The following DENND4A variants were observed in gnomAD, a reference collection of about 807,000 sequenced individuals.
DENND4A encodes the protein C-myc promoter-binding protein.
DENND4A carries 70 observed loss-of-function variants against 199.3 expected under a neutral mutation model. The ratio of observed to expected loss-of-function variants is 0.35; its 90% confidence interval spans 0.29 to 0.43. DENND4A has a LOEUF of 0.43. Among genes scored for constraint, DENND4A ranks in the 20% least tolerant of loss-of-function variants. The probability of loss-of-function intolerance (pLI) is 1.00; values close to 1 mark genes in which losing one functional copy is unlikely to be tolerated. For synonymous variants in DENND4A, 686 were observed against 766.9 expected (o/e 0.89, Z 1.74); for missense variants, 1,723 against 2,255.8 (o/e 0.76, Z 4.78).
At chr15:65,735,341 A>G (rs553892322) in intron 7 of DENND4A, among the ~76,000 whole-genome samples, 65 of 151,876 alleles carry the variant, frequency 4.3e-4, no homozygotes, top group African/African-American at 1.5e-3. Context: ...TCACGCCACT[A>G]TACTCCAGCC....
At chr15:65,716,541 C>T (rs1262980327) in intron 13 of DENND4A, among the ~76,000 whole-genome samples, 3 of 151,910 alleles carry the variant, frequency 2.0e-5, no homozygotes, top group African/African-American at 7.3e-5. Context: ...TGATGATTTG[C>T]AATTTCATCC....
chr15:65,701,044 C>T lies in DENND4A; in HGVS notation c.2701+7G>A, dbSNP rs1369438587. The stretch of plus-strand genomic sequence containing the variant: ...TGAAGAACAAGTAAAACACATACAT[C>T]CCTTACCTGAGAGAGTTGTTTGTGA... On this transcript the variant is annotated splice_region_variant and intron_variant, in intron 19 of 32. Transcript: ENST00000443035. 6.2e-7 allele frequency: 1 copy of T among 1,602,578 alleles called. No homozygotes were observed. The highest frequency in any genetic ancestry group is 2.3e-5 in the East Asian group (1 of 44,236).
intron 15 of DENND4A, 26 bp from the exon 16 acceptor site, chr15:65,703,034 C>CA (rs754006428): frequency 1.3e-6 from 2 of 1,599,282 alleles, no homozygotes; most frequent in East Asian, 2.2e-5. Context: ...CAAAACAAAA[C>CA]AAAAAAGAGT....
chr15:65,729,688 C>G lies in DENND4A; in HGVS notation c.1167-10G>C, dbSNP rs186009318. The G allele has an allele frequency of 1.0e-4, 157 of 1,540,964 alleles. 1 individual carries two copies. In the African/African-American group the frequency reaches 2.0e-3, roughly 20 times the overall value. On this transcript the variant is annotated splice_polypyrimidine_tract_variant and intron_variant, in intron 9 of 32. Coordinates refer to ENST00000443035, the MANE Select transcript of DENND4A (RefSeq NM_001320835.1). Reference sequence around the variant, plus strand: ...TGAAAACTTGCCACCACTGTCAATCCAAACAAAAATATATAATTAAAAAAT... The same window carrying G: ...TGAAAACTTGCCACCACTGTCAATCGAAACAAAAATATATAATTAAAAAAT...
rs2076689116 is a variant in DENND4A, at chr15:65,684,546, T to A, written c.4179+5869A>T. ...TGAAATATCTATTTAGATCTATTTT[T>A]AACTTGGGTTGTTTATCTTATCATT... On this transcript the variant is annotated intron_variant, in intron 23 of 32. Transcript: ENST00000443035. Among the ~76,000 whole-genome samples the A allele has an allele frequency of 2.0e-5, 3 of 152,364 alleles. No individual in the cohort carries two copies. In the South Asian group the frequency reaches 6.2e-4, roughly 32 times the overall value.
In DENND4A at chr15:65,665,381, G is replaced by A. The variant is rs764864062; in HGVS notation, c.5323C>T (p.Pro1775Ser). The A allele has an allele frequency of 7.4e-6, 12 of 1,613,610 alleles. No individual in the cohort carries two copies. The highest frequency in any genetic ancestry group is 1.0e-5 in the Non-Finnish European group (12 of 1,179,714). The change falls in exon 30 of 33, where the codon CCG becomes TCG. Residue 1775 changes from proline (P) to serine (S), a missense_variant. Transcript: ENST00000443035. ...CAGAGAATGTACAAGGGCTGTCCCGGATCCTGATGTAACTTCATATTGTCC... is the reference window on the plus strand; with the variant it reads ...CAGAGAATGTACAAGGGCTGTCCCGAATCCTGATGTAACTTCATATTGTCC... ...LWDNMKLHQD[P>S]GQPLYILWNA...
chr15:65,698,857 C>T (rs540774313), intron 20 of DENND4A, among the ~76,000 whole-genome samples: 1 of 150,974 alleles, frequency 6.6e-6, no homozygotes, highest in African/African-American at 2.4e-5. Flanking sequence ...CGTGCCTACG[C>T]CTCCCAAGTA....
At chr15:65,759,625 T>G (rs2076801862) in intron 2 of DENND4A, among the ~76,000 whole-genome samples, 1 of 152,256 alleles carries the variant, frequency 6.6e-6, no homozygotes, top group African/African-American at 2.4e-5. Flanking sequence ...AAATGCCTCC[T>G]AGATGGACAC....
At chr15:65,740,493 C>G (rs2076230618) in intron 5 of DENND4A, among the ~76,000 whole-genome samples, 1 of 150,128 alleles carries the variant, frequency 6.7e-6, no homozygotes, top group South Asian at 2.1e-4. Context: ...GCACATGCCA[C>G]CATGTACTCT....
intron 9 of DENND4A, chr15:65,731,423 T>C (rs2075954720): frequency 1.8e-6 from 1 of 563,680 alleles, no homozygotes; most frequent in South Asian, 1.5e-5. Flanking sequence ...TAGTAGGTAT[T>C]TGATGATAAT....
chr15:65,744,397 C>A (rs2076333911), intron 4 of DENND4A, among the ~76,000 whole-genome samples: 1 of 152,154 alleles, frequency 6.6e-6, no homozygotes, highest in Non-Finnish European at 1.5e-5. Flanking sequence ...GAAATGGACA[C>A]ACAAACTTGA....
intron 1 of DENND4A, among the ~76,000 whole-genome samples, chr15:65,762,133 G>A (rs978983437): frequency 3.3e-5 from 5 of 151,938 alleles, no homozygotes; most frequent in Non-Finnish European, 5.9e-5. Context: ...TCAGCCTCCC[G>A]AGTAGCCGGG....
intron 1 of DENND4A, among the ~76,000 whole-genome samples, chr15:65,784,099 C>T (rs1359204708): frequency 6.6e-6 from 1 of 152,090 alleles, no homozygotes; most frequent in Admixed American, 6.5e-5. Flanking sequence ...TGTGACTCTC[C>T]TCCCCCAAAC....
In DENND4A at chr15:65,691,505, G is replaced by A; in HGVS notation, c.3089C>T (p.Thr1030Ile). The stretch of plus-strand genomic sequence containing the variant: ...AGATGATATTAAGAGCAGCTCAGGT[G>A]TGCTTTCTGAAAAACAAGTAAAGTG... ...GKISGESMES[T>I]PELLLISSLE... is the part of the protein sequence containing the mutation. Residue 1030 changes from threonine (T) to isoleucine (I), a missense_variant, in exon 23 of 33, where the codon ACA (threonine) becomes ATA (isoleucine). Physicochemically the swap from Thr to Ile is moderately conservative, Grantham distance 89. Around this residue, in one of 6 missense-constraint regions of DENND4A, gnomAD observed 650 missense variants for 738.1 expected, o/e 0.88. Coordinates refer to ENST00000443035, the MANE Select transcript of DENND4A (RefSeq NM_001320835.1). The A allele has an allele frequency of 6.3e-7, 1 of 1,580,398 alleles. No individual in the cohort carries two copies. Among genetic ancestry groups the A allele is most frequent in the Non-Finnish European group, 8.6e-7 (1 of 1,165,292 alleles).
intron 2 of DENND4A, among the ~76,000 whole-genome samples, chr15:65,756,814 T>A (rs941142998): frequency 1.8e-4 from 28 of 152,162 alleles, no homozygotes; most frequent in Non-Finnish European, 3.7e-4. Flanking sequence ...GGCAGGTGGA[T>A]CACCTGAGGT....
chr15:65,763,559 T>C (rs922877052), intron 1 of DENND4A, among the ~76,000 whole-genome samples: 2 of 151,524 alleles, frequency 1.3e-5, no homozygotes, highest in African/African-American at 4.9e-5. Context: ...CCTGTAGTCC[T>C]AGCTCCTTGG....
rs1371878737 is a variant in DENND4A, at chr15:65,706,232, A to G, written c.1954-8T>C. The G allele has an allele frequency of 3.3e-6, 5 of 1,508,018 alleles. No individual in the cohort carries two copies. The highest frequency in any genetic ancestry group is 3.5e-6 in the Non-Finnish European group (4 of 1,129,478). 93.4% of individuals were successfully genotyped at this position (1,508,018 alleles called of 1,614,324 possible). ...GCTCTTGTCCATATCCACCTAAAGGAGTTTTAAAAACATATATTAAAAAAG... is the reference window on the plus strand; with the variant it reads ...GCTCTTGTCCATATCCACCTAAAGGGGTTTTAAAAACATATATTAAAAAAG... On this transcript the variant is annotated splice_polypyrimidine_tract_variant and splice_region_variant and intron_variant, in intron 14 of 32. Transcript: ENST00000443035.
intron 20 of DENND4A, 94 bp downstream of exon 20, chr15:65,700,450 A>G: frequency 1.5e-6 from 1 of 676,364 alleles, no homozygotes; most frequent in Non-Finnish European, 2.1e-6. Context: ...TGACAGTTAA[A>G]CATCACTGAA....
At chr15:65,703,737 C>T (rs1324654574) in intron 15 of DENND4A, among the ~76,000 whole-genome samples, 1 of 152,182 alleles carries the variant, frequency 6.6e-6, no homozygotes, top group African/African-American at 2.4e-5. Flanking sequence ...GAAACTAAGG[C>T]AGGAGGACTG....
Sources: allele counts gnomAD v4.1 joint callset (sites outside exome capture counted in the v4.1 genomes callset), GRCh38; gene constraint gnomAD v4.1.1; regional missense constraint gnomAD v4.1.1; transcripts MANE v1.5; gene names NCBI Gene and HGNC (gene_info 2026-07-23, HGNC 2026-07-21).